The following DSCAM variants were observed in gnomAD, a reference collection of about 807,000 sequenced individuals.
DSCAM encodes the protein cell adhesion molecule DSCAM.
Under a neutral mutation model 217.7 loss-of-function variants are expected in DSCAM, and 47 were observed. The observed-to-expected ratio is 0.22, with a 90% CI of 0.17 to 0.28. DSCAM has a LOEUF of 0.28. Ranked by LOEUF, DSCAM falls within the 10% of genes least tolerant of loss-of-function variation. The probability of loss-of-function intolerance (pLI) is 1.00; values close to 1 mark genes in which losing one functional copy is unlikely to be tolerated. For missense variants in DSCAM, 2,080 were observed against 2,618.3 expected (o/e 0.79, Z 4.49); for synonymous variants, 1,056 against 1,015.3 (o/e 1.04, Z -0.76).
intron 20 of DSCAM, among the ~76,000 whole-genome samples, chr21:40,095,804 C>A (rs1418817565): frequency 1.3e-5 from 2 of 151,824 alleles, no homozygotes; most frequent in African/African-American, 4.8e-5. Flanking sequence ...CAAACAAGGG[C>A]AATAAAGTAG....
At chr21:40,709,712 G>T (rs529596142) in intron 1 of DSCAM, among the ~76,000 whole-genome samples, 1 of 152,168 alleles carries the variant, frequency 6.6e-6, no homozygotes, top group Non-Finnish European at 1.5e-5. Flanking sequence ...GTGTGTATGT[G>T]CCACATTTTC....
intron 1 of DSCAM, among the ~76,000 whole-genome samples, chr21:40,716,553 C>A (rs956019802): frequency 6.6e-6 from 1 of 152,192 alleles, no homozygotes; most frequent in Admixed American, 6.5e-5. Context: ...CAGTTGCAGA[C>A]TTCTCAATAT....
chr21:40,508,422 A>G (rs2076226149), intron 3 of DSCAM, among the ~76,000 whole-genome samples: 1 of 152,144 alleles, frequency 6.6e-6, no homozygotes, highest in Non-Finnish European at 1.5e-5. Flanking sequence ...GAATAACTCT[A>G]TTATGTATTT....
At chr21:40,233,890 G>A (rs1464493550) in intron 11 of DSCAM, among the ~76,000 whole-genome samples, 1 of 152,088 alleles carries the variant, frequency 6.6e-6, no homozygotes, top group East Asian at 1.9e-4. Context: ...ATGGCTCCAG[G>A]CTGTATCAAC....
At chr21:40,022,234 G>A (rs1414256394) in intron 32 of DSCAM, among the ~76,000 whole-genome samples, 1 of 152,174 alleles carries the variant, frequency 6.6e-6, no homozygotes, top group Admixed American at 6.5e-5. Flanking sequence ...AAAGTCTGGA[G>A]ACATTTTGAT....
chr21:40,020,195 T>C (rs991376047), intron 32 of DSCAM, among the ~76,000 whole-genome samples: 4 of 152,194 alleles, frequency 2.6e-5, no homozygotes. Context: ...CCCCATTCAC[T>C]TGGCTCTCAT....
At chr21:40,410,942 T>C (rs962564956) in intron 3 of DSCAM, among the ~76,000 whole-genome samples, 13 of 152,058 alleles carry the variant, frequency 8.5e-5, no homozygotes, top group Non-Finnish European at 1.6e-4. Context: ...AGTCAGAAAA[T>C]ATGTGGTTAA....
intron 11 of DSCAM, among the ~76,000 whole-genome samples, chr21:40,244,086 G>A (rs2073189773): frequency 6.6e-6 from 1 of 152,162 alleles, no homozygotes; most frequent in South Asian, 2.1e-4. Context: ...TGTGGAAATG[G>A]ACCATTCTGT....
chr21:40,444,641 C>A (rs904482394), intron 3 of DSCAM, among the ~76,000 whole-genome samples: 7 of 152,160 alleles, frequency 4.6e-5, no homozygotes, highest in Non-Finnish European at 8.8e-5. Context: ...AAAATATTTA[C>A]AAAATGAATA....
chr21:40,734,806 C>T (rs1005196162), intron 1 of DSCAM, among the ~76,000 whole-genome samples: 1 of 152,074 alleles, frequency 6.6e-6, no homozygotes, highest in African/African-American at 2.4e-5. Context: ...GGTTGTTTTC[C>T]TGCTTGTTTA....
At chr21:40,528,315 T>A (rs2076415926) in intron 3 of DSCAM, among the ~76,000 whole-genome samples, 1 of 152,176 alleles carries the variant, frequency 6.6e-6, no homozygotes. Context: ...AGGAATAAAG[T>A]GGCTTCCTCT....
intron 32 of DSCAM, among the ~76,000 whole-genome samples, chr21:40,017,453 G>C (rs1353560979): frequency 6.6e-6 from 1 of 152,170 alleles, no homozygotes; most frequent in African/African-American, 2.4e-5. Context: ...AGCGACACTG[G>C]ACTGGGCTCA....
At chr21:40,166,845 G>T (rs1395753678) in intron 16 of DSCAM, among the ~76,000 whole-genome samples, 1 of 152,104 alleles carries the variant, frequency 6.6e-6, no homozygotes, top group Admixed American at 6.6e-5. Flanking sequence ...TCGGTGGACT[G>T]TCTGCCACCG....
chr21:40,068,315 T>C (rs1348203445), intron 27 of DSCAM, among the ~76,000 whole-genome samples: 1 of 151,932 alleles, frequency 6.6e-6, no homozygotes, highest in Non-Finnish European at 1.5e-5. Context: ...AATTTGGGAG[T>C]AATTGAGAGG....
intron 3 of DSCAM, among the ~76,000 whole-genome samples, chr21:40,481,573 G>A (rs1435434466): frequency 6.9e-6 from 1 of 145,018 alleles, no homozygotes; most frequent in Non-Finnish European, 1.5e-5. Context: ...GCAAAGGAAA[G>A]CCTTGCTCAG....
intron 3 of DSCAM, among the ~76,000 whole-genome samples, chr21:40,585,333 C>CTTAAAAGAACACATA (rs2076937233): frequency 2.6e-4 from 14 of 52,908 alleles, no homozygotes; most frequent in East Asian, 6.3e-4. Flanking sequence ...AAGAAAAATG[C>CTTAAAAGAACACATA]TGCGTGAACC....
chr21:40,195,970 G>T (rs1324067710), intron 11 of DSCAM, among the ~76,000 whole-genome samples: 1 of 152,170 alleles, frequency 6.6e-6, no homozygotes, highest in Non-Finnish European at 1.5e-5. Flanking sequence ...TTGTTATCAA[G>T]ATTTACTGAA....
chr21:40,688,696 C>T (rs1043026196), intron 3 of DSCAM, among the ~76,000 whole-genome samples: 2 of 152,202 alleles, frequency 1.3e-5, no homozygotes, highest in Admixed American at 6.5e-5. Flanking sequence ...TGCACATTTA[C>T]GACCCCACCC....
chr21:40,219,341 G>T (rs2091270536), intron 11 of DSCAM, among the ~76,000 whole-genome samples: 1 of 152,078 alleles, frequency 6.6e-6, no homozygotes, highest in South Asian at 2.1e-4. Context: ...GATCATGGTG[G>T]TCAAATCCTG....
Sources: gnomAD v4.1 joint callset for allele counts (sites outside exome capture counted in the v4.1 genomes callset) on GRCh38, gnomAD v4.1.1 for gene constraint, MANE v1.5 for transcripts, NCBI Gene and HGNC (gene_info 2026-07-23, HGNC 2026-07-21) for gene names.